Variants in ARHGAP11A observed in about 807,000 individuals in gnomAD.
ARHGAP11A encodes the protein rho GTPase-activating protein 11A.
ARHGAP11A carries 36 observed loss-of-function variants against 60.5 expected under a neutral mutation model. The ratio of observed to expected loss-of-function variants is 0.59; its 90% CI spans 0.46 to 0.79. ARHGAP11A has a LOEUF of 0.79. Ranked by LOEUF, ARHGAP11A falls within the 30% of genes least tolerant of loss-of-function variation. The pLI, the probability that ARHGAP11A is intolerant of heterozygous loss-of-function variation, is 0.00. For synonymous variants in ARHGAP11A, 362 were observed against 415.5 expected (o/e 0.87, Z 1.57); for missense variants, 1,071 against 1,199.2 (o/e 0.89, Z 1.58).
Position 32,616,359 on chromosome 15 carries a change from G to A in ARHGAP11A, c.129+19G>A, listed in dbSNP as rs777087649. ...AATAGGGGTAAGTTCTGTGAAAAGGGATTTAGGTTTAAAAGAAAGGGCACA... is the reference window on the plus strand; with the variant it reads ...AATAGGGGTAAGTTCTGTGAAAAGGAATTTAGGTTTAAAAGAAAGGGCACA... On this transcript the variant is annotated intron_variant, in intron 1 of 11. Transcript: ENST00000361627. The A allele has an allele frequency of 6.2e-6, 10 of 1,613,114 alleles. No individual in the cohort carries two copies. In the South Asian group the frequency reaches 9.9e-5, roughly 16 times the overall value.
chr15:32,617,630 C>A (rs1484372193), intron 1 of ARHGAP11A, among the ~76,000 whole-genome samples: 1 of 152,078 alleles, frequency 6.6e-6, no homozygotes, highest in African/African-American at 2.4e-5. Context: ...CGCCACCACA[C>A]CTGGCTAATT....
Position 32,616,092 on chromosome 15 carries a change from C to T in ARHGAP11A, c.-120C>T, listed in dbSNP as rs865874118. On this transcript the variant is annotated 5_prime_UTR_variant, in exon 1 of 12. The change creates a new upstream start codon in the 5' untranslated region. Coordinates refer to ENST00000361627, the MANE Select transcript of ARHGAP11A (RefSeq NM_014783.6). Reference sequence around the variant, plus strand: ...GGGTCGGGGCCGCAGAAGTGCCAGACGGGGCCGGAAAGCAGCCGAGCGGAG... The same window carrying T: ...GGGTCGGGGCCGCAGAAGTGCCAGATGGGGCCGGAAAGCAGCCGAGCGGAG... 1.7e-5 allele frequency: 24 copies of T among 1,451,636 alleles called. No individual in the cohort carries two copies. In the Middle Eastern group the frequency reaches 3.0e-3, roughly 183 times the overall value. The allele number at this position is 1,451,636 out of a possible 1,614,324, so 89.9% of individuals were successfully genotyped here.
At position 32,637,915 on chromosome 15, in the gene ARHGAP11A, CAT is replaced by C; in HGVS notation, c.*71_*72del. The stretch of plus-strand genomic sequence containing the variant: ...TTGGTATGACTTGCAGGATGATGTA[CAT>C]GTTAGTTTGTAGCTCAGGATGATTG... On this transcript the variant is annotated 3_prime_UTR_variant, in exon 12 of 12. Coordinates refer to ENST00000361627, the MANE Select transcript of ARHGAP11A (RefSeq NM_014783.6). 7.7e-7 allele frequency: 1 copy of C among 1,305,462 alleles called. No individual in the cohort carries two copies. The highest frequency in any genetic ancestry group is 1.0e-6 in the Non-Finnish European group (1 of 960,142). The allele number at this position is 1,305,462 out of a possible 1,614,324, so 80.9% of individuals were successfully genotyped here. A position where few individuals can be genotyped will look rare whatever the true frequency, so the allele number is the denominator to read the frequency against.
At chr15:32,629,965 T>C (rs890574812) in intron 8 of ARHGAP11A, among the ~76,000 whole-genome samples, 2 of 131,464 alleles carry the variant, frequency 1.5e-5, no homozygotes, top group Non-Finnish European at 3.2e-5. Flanking sequence ...TGTGTGTGTG[T>C]GTGTGTGTGT....
chr15:32,620,835 G>T (rs2053277193), intron 2 of ARHGAP11A, among the ~76,000 whole-genome samples: 1 of 152,048 alleles, frequency 6.6e-6, no homozygotes, highest in East Asian at 1.9e-4. Context: ...GAGGGCCGAG[G>T]CAGGAGGATC....
chr15:32,636,618 T>C lies in ARHGAP11A; in HGVS notation c.1845T>C (p.Asn615=). 6.2e-7 allele frequency: 1 copy of C among 1,614,050 alleles called. No individual in the cohort carries two copies. Among genetic ancestry groups the C allele is most frequent in the Non-Finnish European group, 8.5e-7 (1 of 1,179,976 alleles). The change falls in exon 12 of 12, where the codon AAT becomes AAC. Residue 615 remains asparagine (N), a synonymous_variant. Coordinates refer to ENST00000361627, the MANE Select transcript of ARHGAP11A (RefSeq NM_014783.6). The part of the protein sequence containing the change: ...ESGSNLHALM[N]QRQSSVTNVG... The stretch of plus-strand genomic sequence containing the variant: ...GAAGTAATCTTCACGCATTGATGAA[T>C]CAGAGGCAGTCATCAGTAACTAATG...
In ARHGAP11A at chr15:32,616,476, C is replaced by T. The variant is rs61416900; in HGVS notation, c.129+136C>T. ...AGGTGTGTAATTCAGTTCAGATGGT[C>T]GATTGCTGATATTTAAAAAGTGACA... On this transcript the variant is annotated intron_variant, in intron 1 of 11. Coordinates refer to ENST00000361627, the MANE Select transcript of ARHGAP11A (RefSeq NM_014783.6). The T allele has an allele frequency of 1.2e-3, 1,611 of 1,338,732 alleles. 16 individuals carry two copies. In the African/African-American group the frequency reaches 0.022, roughly 18 times the overall value. The allele number at this position is 1,338,732 out of a possible 1,614,324, so 82.9% of individuals were successfully genotyped here.
Position 32,636,528 on chromosome 15 carries a change from C to T in ARHGAP11A, c.1755C>T (p.Ser585=), listed in dbSNP as rs779484378. The change falls in exon 12 of 12, where the codon AGC becomes AGT. Residue 585 remains serine, a synonymous_variant. Transcript: ENST00000361627. The stretch of plus-strand genomic sequence containing the variant: ...GCAACATAACAAGTAGCCCTCTTAG[C>T]GGGGATGAAAATAACATGACCAAAG... ...HNSNITSSPL[S]GDENNMTKET... 63 of 1,613,968 alleles carry T rather than the reference C, an allele frequency of 3.9e-5. No homozygotes were observed. Among genetic ancestry groups the T allele is most frequent in the South Asian group, 3.7e-4 (34 of 91,074 alleles).
chr15:32,621,926 G>T (rs1344816289), intron 2 of ARHGAP11A, among the ~76,000 whole-genome samples: 1 of 152,304 alleles, frequency 6.6e-6, no homozygotes, highest in African/African-American at 2.4e-5. Flanking sequence ...GGTTCATTTG[G>T]GCTACTATAG....
rs1254214819 is a variant in ARHGAP11A at position 32,615,530 on chromosome 15, C to T, written c.-682C>T. 5 of 153,026 alleles carry T rather than the reference C, an allele frequency of 3.3e-5. 1 individual carries two copies. Among genetic ancestry groups the T allele is most frequent in the Non-Finnish European group, 7.3e-5 (5 of 68,584 alleles). The allele number at this position is 153,026 out of a possible 1,614,324, so 9.5% of individuals were successfully genotyped here. A position where few individuals can be genotyped will look rare whatever the true frequency, so the allele number is the denominator to read the frequency against. ...ACCCCCCCGTGGTGGCTCTGGGTGTCTGCGGAGGAGCTGGGGGCGGAAGCA... is the reference window on the plus strand; with the variant it reads ...ACCCCCCCGTGGTGGCTCTGGGTGTTTGCGGAGGAGCTGGGGGCGGAAGCA... On this transcript the variant is annotated 5_prime_UTR_variant, in exon 1 of 12. Transcript: ENST00000361627.
chr15:32,637,178 C>G lies in ARHGAP11A; in HGVS notation c.2405C>G (p.Thr802Arg), dbSNP rs367791940. 9 of 1,614,090 alleles carry G rather than the reference C, an allele frequency of 5.6e-6. No homozygotes were observed. The highest frequency in any genetic ancestry group is 7.6e-6 in the Non-Finnish European group (9 of 1,179,992). ...EKTVSESSQM[T>R]EHRKVSDHIQ... ...ACAGTTTCTGAAAGTTCACAAATGA[C>G]AGAACATAGAAAGGTTTCTGATCAC... The change falls in exon 12 of 12, where the codon ACA becomes AGA. Residue 802 changes from threonine (T) to arginine (R), a missense_variant. Physicochemically the swap from Thr to Arg is moderately conservative, Grantham distance 71 (BLOSUM62 -1). Around this residue, in one of 4 missense-constraint regions of ARHGAP11A, gnomAD observed 776 missense variants for 760.2 expected, o/e 1.02. Transcript: ENST00000361627.
chr15:32,629,466 G>A, intron 7 of ARHGAP11A, 129 bp from the exon 8 acceptor site: 1 of 586,262 alleles, frequency 1.7e-6, no homozygotes, highest in Non-Finnish European at 2.9e-6. Context: ...CTTAACTGAT[G>A]ATGTAAATAT....
Position 32,620,197 on chromosome 15 carries a change from G to A in ARHGAP11A, c.200+19G>A. 6.3e-7 allele frequency: 1 copy of A among 1,598,544 alleles called. No individual in the cohort carries two copies. The highest frequency in any genetic ancestry group is 8.5e-7 in the Non-Finnish European group (1 of 1,174,358). ...TTCCAAGGTAAGCAGAGTTTGAAATGAAGAAGGCCGGGTGCAGTGGCATAT... is the reference window on the plus strand; with the variant it reads ...TTCCAAGGTAAGCAGAGTTTGAAATAAAGAAGGCCGGGTGCAGTGGCATAT... On this transcript the variant is annotated intron_variant, in intron 2 of 11. Transcript: ENST00000361627.
intron 11 of ARHGAP11A, 105 bp from the exon 12 acceptor site, chr15:32,636,152 C>G: frequency 6.9e-7 from 1 of 1,443,168 alleles, no homozygotes; most frequent in Non-Finnish European, 9.1e-7. Context: ...AACACAAATA[C>G]TTTATTAGAA....
intron 6 of ARHGAP11A, among the ~76,000 whole-genome samples, chr15:32,626,929 G>A (rs998643292): frequency 7.2e-4 from 110 of 152,172 alleles, no homozygotes; most frequent in African/African-American, 2.4e-3. Flanking sequence ...GTAAAGACAC[G>A]AATTCCAAGT....
Position 32,636,673 on chromosome 15 carries a change from T to A in ARHGAP11A, c.1900T>A (p.Tyr634Asn), listed in dbSNP as rs1416230800. The A allele has an allele frequency of 1.9e-6, 3 of 1,613,750 alleles. No homozygotes were observed. In the African/African-American group the frequency reaches 4.0e-5, roughly 22 times the overall value. The change falls in exon 12 of 12, where the codon TAT becomes AAT. Residue 634 changes from tyrosine to asparagine, a missense_variant. Physicochemically the swap from Tyr to Asn is moderately radical, Grantham distance 143 (BLOSUM62 -2). Transcript: ENST00000361627. The stretch of plus-strand genomic sequence containing the variant: ...GAAAGTAAAATTAACTGAACCATCT[T>A]ATTTAGAAGATAGCCCAGAGGAAAA... ...VGKVKLTEPSYLEDSPEENLF... is the reference protein window; with the variant it reads ...VGKVKLTEPSNLEDSPEENLF...
chr15:32,634,151 C>G, intron 10 of ARHGAP11A, 110 bp downstream of exon 10: 1 of 723,374 alleles, frequency 1.4e-6, no homozygotes, highest in Non-Finnish European at 2.2e-6. Flanking sequence ...TCATTCTGTT[C>G]TTTTTATCCA....
At chr15:32,626,341 A>G (rs921179661) in intron 6 of ARHGAP11A, among the ~76,000 whole-genome samples, 7 of 152,216 alleles carry the variant, frequency 4.6e-5, no homozygotes, top group Admixed American at 6.5e-5. Flanking sequence ...AATATTATCA[A>G]GGAAGAATCA....
chr15:32,626,307 G>C (rs982833141), intron 6 of ARHGAP11A, among the ~76,000 whole-genome samples: 16 of 152,150 alleles, frequency 1.1e-4, no homozygotes, highest in African/African-American at 3.9e-4. Flanking sequence ...GATTAGTTAG[G>C]AGTACGAACT....
Sources: gnomAD v4.1 joint callset for allele counts (sites outside exome capture counted in the v4.1 genomes callset) on GRCh38, gnomAD v4.1.1 for gene constraint, gnomAD v4.1.1 regional missense constraint, MANE v1.5 for transcripts, NCBI Gene and HGNC (gene_info 2026-07-23, HGNC 2026-07-21) for gene names.